Variants in ASTN1 observed in about 807,000 individuals in gnomAD.
The protein encoded by ASTN1 is astrotactin 1, also known as astrotactin-1.
A neutral mutation model predicts 140.7 loss-of-function variants in ASTN1; 41 were observed. The observed-to-expected ratio is 0.29, with a 90% confidence interval of 0.23 to 0.38. The LOEUF (loss-of-function observed/expected upper bound fraction) is 0.38, where lower values mean the gene tolerates loss of function less well. Ranked by LOEUF, ASTN1 falls within the 10% of genes least tolerant of loss-of-function variation. ASTN1 has a pLI of 1.00. For missense variants in ASTN1, 1,479 were observed against 1,678.8 expected, an observed-to-expected ratio of 0.88 and a Z score of 2.08; for synonymous variants, 640 against 652.2, an observed-to-expected ratio of 0.98 and a Z score of 0.29.
At chr1:177,080,665 G>C (rs904804710) in intron 1 of ASTN1, among the ~76,000 whole-genome samples, 3 of 152,178 alleles carry the variant, frequency 2.0e-5, no homozygotes, top group Admixed American at 2.0e-4. Flanking sequence ...TGGAGTCACA[G>C]AGGAATTTCT....
chr1:177,097,517 A>G (rs995203332), intron 1 of ASTN1, among the ~76,000 whole-genome samples: 1 of 152,224 alleles, frequency 6.6e-6, no homozygotes, highest in Non-Finnish European at 1.5e-5. Flanking sequence ...CTACGATATC[A>G]TGATAAAATA....
At chr1:177,034,531 C>T (rs1047608894) in intron 2 of ASTN1, among the ~76,000 whole-genome samples, 1 of 152,156 alleles carries the variant, frequency 6.6e-6, no homozygotes, top group Non-Finnish European at 1.5e-5. Flanking sequence ...TAGGTCCTTG[C>T]TAACTGCCAC....
At position 176,934,157 on chromosome 1, in the gene ASTN1, C is replaced by G. The variant is rs1433529405; in HGVS notation, c.2666G>C (p.Ser889Thr). Residue 889 changes from serine (S) to threonine (T), a missense_variant, in exon 16 of 23, where the codon AGT (serine) becomes ACT (threonine). Physicochemically the swap from Ser to Thr is moderately conservative, Grantham distance 58 (BLOSUM62 1). Coordinates refer to ENST00000361833, the MANE Select transcript of ASTN1 (RefSeq NM_004319.3). ...CCAACAAGCATGCCACTCACCTTTA[C>G]TGATGTCTTCATACTCCAGCCAGAG... Reference protein sequence around the residue: ...RRLWLEYEDISKGNSPSDESE... With the variant: ...RRLWLEYEDITKGNSPSDESE... 12 of 1,609,044 alleles carry G rather than the reference C, an allele frequency of 7.5e-6. No individual in the cohort carries two copies. The highest frequency in any genetic ancestry group is 1.0e-5 in the Non-Finnish European group (12 of 1,176,076).
intron 1 of ASTN1, among the ~76,000 whole-genome samples, chr1:177,108,520 T>C (rs150148579): frequency 1.3e-5 from 2 of 152,150 alleles, no homozygotes; most frequent in Admixed American, 6.5e-5. Context: ...GTGTAACATG[T>C]GTCAGAAATT....
chr1:176,987,075 G>C (rs1024266281), intron 8 of ASTN1, among the ~76,000 whole-genome samples: 3 of 152,096 alleles, frequency 2.0e-5, no homozygotes, highest in Non-Finnish European at 2.9e-5. Flanking sequence ...ACAGTTGAGG[G>C]AGTCAGGGAC....
chr1:177,139,003 G>A (rs1484098814), intron 1 of ASTN1, among the ~76,000 whole-genome samples: 2 of 152,170 alleles, frequency 1.3e-5, no homozygotes, highest in Admixed American at 6.5e-5. Flanking sequence ...GCAGAAAATT[G>A]AGGAAGGAAA....
At chr1:177,080,296 T>C (rs992614924) in intron 1 of ASTN1, among the ~76,000 whole-genome samples, 5 of 138,024 alleles carry the variant, frequency 3.6e-5, no homozygotes, top group African/African-American at 8.0e-5. Context: ...TATCACACTC[T>C]CAACTAAGAC....
Position 176,949,411 on chromosome 1 carries a change from A to G in ASTN1, c.1888-60T>C, listed in dbSNP as rs1341952073. The G allele has an allele frequency of 2.6e-6, 4 of 1,536,080 alleles. No individual in the cohort carries two copies. In the Admixed American group the frequency reaches 7.4e-5, roughly 28 times the overall value. On this transcript the variant is annotated intron_variant, in intron 11 of 22. Coordinates refer to ENST00000361833, the MANE Select transcript of ASTN1 (RefSeq NM_004319.3). ...GAATCGGGGAACTGAGTTCTCTGGG[A>G]ACTGAGTGTAACCACTGACACCAAT... is the stretch of plus-strand genomic sequence containing the variant.
chr1:177,058,127 G>A (rs1007901118), intron 2 of ASTN1, among the ~76,000 whole-genome samples: 1 of 152,198 alleles, frequency 6.6e-6, no homozygotes, highest in Admixed American at 6.5e-5. Context: ...TGAGGACAAT[G>A]AGACGGCTAG....
intron 9 of ASTN1, among the ~76,000 whole-genome samples, chr1:176,960,964 T>C (rs1056096672): frequency 6.6e-6 from 1 of 152,132 alleles, no homozygotes; most frequent in African/African-American, 2.4e-5. Context: ...TTGTTGCTCC[T>C]GAAATGATGA....
chr1:177,118,125 T>A (rs1681188342), intron 1 of ASTN1, among the ~76,000 whole-genome samples: 1 of 152,214 alleles, frequency 6.6e-6, no homozygotes, highest in African/African-American at 2.4e-5. Context: ...GAAATAGGAC[T>A]TGTTCTTTTT....
At chr1:177,034,367 G>C (rs1214518847) in intron 2 of ASTN1, among the ~76,000 whole-genome samples, 1 of 151,964 alleles carries the variant, frequency 6.6e-6, no homozygotes, top group Non-Finnish European at 1.5e-5. Flanking sequence ...ATATCATGTG[G>C]CTTGTTGGGG....
chr1:176,991,415 A>G (rs1674158014), intron 8 of ASTN1, among the ~76,000 whole-genome samples: 1 of 11,810 alleles, frequency 8.5e-5, no homozygotes, highest in Non-Finnish European at 2.3e-4. Context: ...CTCTGTCTCA[A>G]AAAAAAAAAA....
chr1:177,033,047 G>A (rs1401197974), intron 2 of ASTN1, among the ~76,000 whole-genome samples, 198 bp from the exon 3 acceptor site: 1 of 152,008 alleles, frequency 6.6e-6, no homozygotes, highest in African/African-American at 2.4e-5. Flanking sequence ...AGAGAAAAAT[G>A]GAGCTGGGAT....
At chr1:177,013,379 C>A (rs1008797561) in intron 8 of ASTN1, among the ~76,000 whole-genome samples, 8 of 152,200 alleles carry the variant, frequency 5.3e-5, no homozygotes, top group African/African-American at 1.9e-4. Context: ...CCTCTCCTAA[C>A]ATCTATGGGC....
chr1:176,922,930 A>G (rs1348591922), intron 16 of ASTN1, among the ~76,000 whole-genome samples: 1 of 152,230 alleles, frequency 6.6e-6, no homozygotes, highest in East Asian at 1.9e-4. Flanking sequence ...ATGAGTCCCA[A>G]TGCACTGAAC....
chr1:176,875,631 A>C (rs1025174865), intron 21 of ASTN1, among the ~76,000 whole-genome samples: 5 of 152,182 alleles, frequency 3.3e-5, no homozygotes, highest in African/African-American at 1.2e-4. Flanking sequence ...CTGTCAATCT[A>C]ATACACCTGG....
At chr1:177,005,041 G>A (rs1674924244) in intron 8 of ASTN1, among the ~76,000 whole-genome samples, 1 of 152,030 alleles carries the variant, frequency 6.6e-6, no homozygotes, top group African/African-American at 2.4e-5. Flanking sequence ...TCATAATCAA[G>A]AGTAAACAGA....
chr1:176,902,306 A>C (rs1407117396), intron 16 of ASTN1, among the ~76,000 whole-genome samples: 2 of 152,232 alleles, frequency 1.3e-5, no homozygotes, highest in Non-Finnish European at 2.9e-5. Flanking sequence ...AAACAGCATT[A>C]AACCTTTCCC....
Sources: gnomAD v4.1 joint callset for allele counts (sites outside exome capture counted in the v4.1 genomes callset) on GRCh38, gnomAD v4.1.1 for gene constraint, MANE v1.5 for transcripts, NCBI Gene and HGNC (gene_info 2026-07-23, HGNC 2026-07-21) for gene names.